MYO5A: variants seen among roughly 807,000 people sequenced by gnomAD.
MYO5A encodes myosin VA, also known as unconventional myosin-Va.
A neutral mutation model predicts 249.7 loss-of-function variants in MYO5A; 98 were observed. The observed-to-expected ratio is 0.39, with a 90% CI of 0.33 to 0.46. The LOEUF (loss-of-function observed/expected upper bound fraction) is 0.46, where lower values mean the gene tolerates loss of function less well. MYO5A is among the 20% of genes least tolerant of loss of function. The pLI is 0.98. For synonymous variants in MYO5A, 778 were observed against 810.6 expected (o/e 0.96, Z 0.68); for missense variants, 1,696 against 2,308.8 (o/e 0.73, Z 5.44).
chr15:52,383,673 C>A (rs2041855043), intron 15 of MYO5A, among the ~76,000 whole-genome samples: 1 of 152,092 alleles, frequency 6.6e-6, no homozygotes, highest in Non-Finnish European at 1.5e-5. Context: ...CTGGGTCAGG[C>A]CCTGTTTCTG....
intron 1 of MYO5A, among the ~76,000 whole-genome samples, chr15:52,470,450 G>A (rs960049934): frequency 6.6e-6 from 1 of 152,012 alleles, no homozygotes; most frequent in Non-Finnish European, 1.5e-5. Flanking sequence ...TGGGGAGTTC[G>A]AGAACACCCG....
intron 2 of MYO5A, among the ~76,000 whole-genome samples, chr15:52,428,920 G>A (rs970205982): frequency 1.3e-5 from 2 of 152,128 alleles, no homozygotes; most frequent in African/African-American, 4.8e-5. Context: ...AAGAGTGGTC[G>A]AGAGCTTGGC....
chr15:52,391,782 G>C (rs145416937), intron 12 of MYO5A, 148 bp downstream of exon 12: 1,350 of 737,452 alleles, frequency 1.8e-3, no homozygotes, highest in Middle Eastern at 4.2e-3. Flanking sequence ...TTGGGGTCTA[G>C]TGTCCCTTTG....
chr15:52,412,198 A>G (rs1408869125), intron 5 of MYO5A, among the ~76,000 whole-genome samples: 2 of 152,186 alleles, frequency 1.3e-5, no homozygotes, highest in Admixed American at 1.3e-4. Context: ...TCCTGCCAGT[A>G]ACTAAGCAAG....
At chr15:52,478,201 C>T (rs1050027288) in intron 1 of MYO5A, among the ~76,000 whole-genome samples, 16 of 152,310 alleles carry the variant, frequency 1.1e-4, no homozygotes, top group African/African-American at 3.8e-4. Flanking sequence ...GGGTGTGGGA[C>T]CCTCCGAGCC....
intron 1 of MYO5A, among the ~76,000 whole-genome samples, chr15:52,433,812 AAC>A (rs1251063087): frequency 5.3e-5 from 8 of 152,172 alleles, no homozygotes; most frequent in South Asian, 2.1e-4. Flanking sequence ...GCTCTGAAAA[AAC>A]AGTTATGATC....
chr15:52,326,940 T>C (rs2038639149), intron 36 of MYO5A, among the ~76,000 whole-genome samples: 1 of 152,194 alleles, frequency 6.6e-6, no homozygotes, highest in African/African-American at 2.4e-5. Flanking sequence ...AGGGGGATTA[T>C]GCAAGATGAC....
In MYO5A at chr15:52,307,655, G is replaced by A. The variant is rs2037662040; in HGVS notation, c.*6041C>T. 1 of 152,030 alleles carries A rather than the reference G, an allele frequency of 6.6e-6. No individual in the cohort carries two copies. The highest frequency in any genetic ancestry group is 1.5e-5 in the Non-Finnish European group (1 of 67,972). The allele number at this position is 152,030 out of a possible 1,614,324, so 9.4% of individuals were successfully genotyped here. ...AAATTGTATCAAAATTTTCTATGCA[G>A]ATCAAAGTAGAATTCCTTTTCCAGA... On this transcript the variant is annotated 3_prime_UTR_variant, in exon 42 of 42. Transcript: ENST00000399233.
intron 21 of MYO5A, among the ~76,000 whole-genome samples, chr15:52,371,426 T>C (rs1417183568): frequency 6.6e-6 from 1 of 152,224 alleles, no homozygotes; most frequent in African/African-American, 2.4e-5. Flanking sequence ...AACCAACTCA[T>C]CTGTAAAATG....
chr15:52,351,162 AGT>A lies in MYO5A; in HGVS notation c.3849+90_3849+91del. The A allele has an allele frequency of 4.3e-6, 4 of 941,108 alleles. No homozygotes were observed. The South Asian group carries it at 5.5e-5, about 13-fold the overall frequency. The allele number at this position is 941,108 out of a possible 1,614,324, so 58.3% of individuals were successfully genotyped here. ...CTCAATTAGATTAAAAATGCTCTTA[AGT>A]GTTTGCTGCATTATAAACTGGAGGG... On this transcript the variant is annotated intron_variant, in intron 28 of 41. Coordinates refer to ENST00000399233, the MANE Select transcript of MYO5A (RefSeq NM_001382347.1).
intron 1 of MYO5A, among the ~76,000 whole-genome samples, chr15:52,516,957 C>T (rs1246500065): frequency 6.6e-6 from 1 of 152,002 alleles, no homozygotes; most frequent in Admixed American, 6.5e-5. Flanking sequence ...GATCCAAGAT[C>T]AAGAAACAGA....
At chr15:52,382,555 G>C (rs183041764) in intron 16 of MYO5A, among the ~76,000 whole-genome samples, 6 of 152,328 alleles carry the variant, frequency 3.9e-5, no homozygotes, top group Admixed American at 3.9e-4. Flanking sequence ...AGGGCAAGAA[G>C]AGTGAAACTC....
chr15:52,411,895 G>A (rs577799066), intron 5 of MYO5A, among the ~76,000 whole-genome samples: 1 of 152,222 alleles, frequency 6.6e-6, no homozygotes, highest in South Asian at 2.1e-4. Flanking sequence ...TGCTTTTCTA[G>A]AAAAATAAGA....
chr15:52,328,688 C>A (rs1301780670), intron 35 of MYO5A, among the ~76,000 whole-genome samples: 2 of 152,172 alleles, frequency 1.3e-5, no homozygotes, highest in South Asian at 4.1e-4. Context: ...ATGTCACTCT[C>A]GTTCTGAGAA....
chr15:52,507,803 CCA>C (rs1566866750), intron 1 of MYO5A, among the ~76,000 whole-genome samples: 1 of 127,214 alleles, frequency 7.9e-6, no homozygotes, highest in African/African-American at 3.2e-5. Context: ...GACCCTGTCC[CCA>C]AAAAAAAAAA....
intron 23 of MYO5A, among the ~76,000 whole-genome samples, chr15:52,365,612 C>T (rs557411139): frequency 2.0e-5 from 3 of 152,210 alleles, no homozygotes; most frequent in Admixed American, 6.5e-5. Flanking sequence ...TCTGTGAGCA[C>T]GATGAGGCAA....
intron 1 of MYO5A, among the ~76,000 whole-genome samples, chr15:52,512,293 A>T (rs1198172142): frequency 6.6e-6 from 1 of 152,238 alleles, no homozygotes. Flanking sequence ...TTGTAAACAA[A>T]CACACAAAGG....
intron 20 of MYO5A, among the ~76,000 whole-genome samples, chr15:52,372,907 C>A (rs1465234190): frequency 6.6e-6 from 1 of 151,744 alleles, no homozygotes; most frequent in Non-Finnish European, 1.5e-5. Flanking sequence ...AGCAAACTGT[C>A]TGTAGAGGCC....
At position 52,378,974 on chromosome 15, in the gene MYO5A, A is replaced by G. The variant is rs118051235; in HGVS notation, c.2208+651T>C. ...GTCTGCAAGACTCTCTGTAACACCA[A>G]CCTACATTTCCTAACCATTTCTCTA... On this transcript the variant is annotated intron_variant, in intron 18 of 41. Coordinates refer to ENST00000399233, the MANE Select transcript of MYO5A (RefSeq NM_001382347.1). 3.2e-4 allele frequency among the ~76,000 whole-genome samples: 49 copies of G among 152,302 alleles called. No homozygotes were observed. In the East Asian group the frequency reaches 7.5e-3, roughly 23 times the overall value.
Sources: allele counts gnomAD v4.1 joint callset (sites outside exome capture counted in the v4.1 genomes callset), GRCh38; gene constraint gnomAD v4.1.1; transcripts MANE v1.5; gene names NCBI Gene and HGNC (gene_info 2026-07-23, HGNC 2026-07-21).